The following SYNPR variants were observed in gnomAD, a reference collection of about 807,000 sequenced individuals.
SYNPR encodes synaptoporin.
Under a neutral mutation model 32.9 loss-of-function variants are expected in SYNPR, and 23 were observed. That is an observed-to-expected ratio of 0.70 (90% CI 0.50 to 0.99). SYNPR has a LOEUF of 0.99. SYNPR is among the 50% of genes least tolerant of loss of function. The probability of loss-of-function intolerance (pLI) is 0.00; values close to 1 mark genes in which losing one functional copy is unlikely to be tolerated. For missense variants in SYNPR, 318 were observed against 349.3 expected (o/e 0.91, Z 0.71); for synonymous variants, 146 against 135.9 (o/e 1.07, Z -0.52).
intron 3 of SYNPR, among the ~76,000 whole-genome samples, chr3:63,554,513 C>T (rs138009932): frequency 1.3e-4 from 20 of 152,134 alleles, no homozygotes; most frequent in South Asian, 6.2e-4. Flanking sequence ...AAAGATCAGA[C>T]GGTTATAAGT....
chr3:63,514,651 G>C (rs963565075), intron 3 of SYNPR, among the ~76,000 whole-genome samples: 1 of 152,094 alleles, frequency 6.6e-6, no homozygotes, highest in Non-Finnish European at 1.5e-5. Context: ...TGTAGAATGA[G>C]GCCATTTGGA....
At chr3:63,567,643 T>A (rs997119064) in intron 4 of SYNPR, among the ~76,000 whole-genome samples, 2 of 152,220 alleles carry the variant, frequency 1.3e-5, no homozygotes, top group Non-Finnish European at 2.9e-5. Context: ...CAGGGGGACA[T>A]CTTCATTTCC....
intron 3 of SYNPR, among the ~76,000 whole-genome samples, chr3:63,530,893 G>T (rs894297192): frequency 1.3e-5 from 2 of 152,280 alleles, no homozygotes; most frequent in Admixed American, 6.5e-5. Flanking sequence ...GAAAGAGACA[G>T]CTATTCTCTC....
chr3:63,558,988 T>G (rs527416818), intron 4 of SYNPR, among the ~76,000 whole-genome samples: 8 of 152,096 alleles, frequency 5.3e-5, no homozygotes, highest in African/African-American at 1.7e-4. Flanking sequence ...TATCTGTTCA[T>G]TATAACAGAA....
chr3:63,356,799 T>A (rs556989896), intron 2 of SYNPR, among the ~76,000 whole-genome samples: 1 of 152,244 alleles, frequency 6.6e-6, no homozygotes, highest in South Asian at 2.1e-4. Flanking sequence ...GCTTTAGAAA[T>A]GGAAAAGGAA....
At chr3:63,475,599 G>A (rs572221230) in intron 2 of SYNPR, among the ~76,000 whole-genome samples, 19 of 152,190 alleles carry the variant, frequency 1.2e-4, no homozygotes, top group South Asian at 4.2e-4. Context: ...AGAGCATAGC[G>A]CGCACACACA....
intron 2 of SYNPR, among the ~76,000 whole-genome samples, chr3:63,355,059 A>T (rs1355899420): frequency 6.6e-6 from 1 of 152,180 alleles, no homozygotes; most frequent in East Asian, 1.9e-4. Context: ...CAGGTGGATC[A>T]TTTGATGTCA....
At chr3:63,255,319 G>C (rs1201893480) in intron 2 of SYNPR, among the ~76,000 whole-genome samples, 1 of 152,080 alleles carries the variant, frequency 6.6e-6, no homozygotes, top group East Asian at 1.9e-4. Context: ...CAACACTCTG[G>C]GACATAATGA....
chr3:63,278,779 C>A, intron 2 of SYNPR, 37 bp downstream of exon 2: 1 of 1,548,938 alleles, frequency 6.5e-7, no homozygotes. Flanking sequence ...GGGCGCCAGG[C>A]AGCCAGCTAT....
At chr3:63,559,378 T>C (rs138076136) in intron 4 of SYNPR, among the ~76,000 whole-genome samples, 30 of 152,320 alleles carry the variant, frequency 2.0e-4, no homozygotes, top group Middle Eastern at 3.4e-3. Flanking sequence ...ATGCCCAGCC[T>C]AATACATTTA....
chr3:63,441,400 C>T (rs946435142), intron 2 of SYNPR, among the ~76,000 whole-genome samples: 14 of 152,144 alleles, frequency 9.2e-5, no homozygotes, highest in African/African-American at 3.4e-4. Context: ...ATGGTTCTAC[C>T]CTACAGGTGC....
chr3:63,538,911 AAT>A (rs1702254701), intron 3 of SYNPR, among the ~76,000 whole-genome samples: 1 of 152,130 alleles, frequency 6.6e-6, no homozygotes, highest in Non-Finnish European at 1.5e-5. Flanking sequence ...TACTTTTTTA[AAT>A]ATGATTTTAT....
At chr3:63,251,666 G>T (rs563565573) in intron 1 of SYNPR, among the ~76,000 whole-genome samples, 1 of 152,218 alleles carries the variant, frequency 6.6e-6, no homozygotes, top group Non-Finnish European at 1.5e-5. Flanking sequence ...TGCAGGTTCT[G>T]ACAGGACTGA....
intron 2 of SYNPR, among the ~76,000 whole-genome samples, chr3:63,288,326 G>T (rs2086705701): frequency 2.0e-5 from 3 of 152,218 alleles, no homozygotes; most frequent in Admixed American, 2.0e-4. Context: ...TAAGAGGACA[G>T]ACCCAGTGAG....
intron 3 of SYNPR, among the ~76,000 whole-genome samples, chr3:63,501,361 C>T (rs1701475206): frequency 6.6e-6 from 1 of 151,704 alleles, no homozygotes; most frequent in Non-Finnish European, 1.5e-5. Context: ...CCCCTGTAGT[C>T]CCAGCTACTT....
chr3:63,602,482 T>C lies in SYNPR; in HGVS notation c.409-6643T>C, dbSNP rs114139585. On this transcript the variant is annotated intron_variant, in intron 4 of 5. Transcript: ENST00000478300. The stretch of plus-strand genomic sequence containing the variant: ...CTTCTAGGGTTTTTATAGTTTTGGG[T>C]TTAAATTTAAGTCTTTAATCCATCT... Among the ~76,000 whole-genome samples the C allele has an allele frequency of 5.3e-3, 802 of 152,252 alleles. 4 individuals are homozygous for C. The highest frequency in any genetic ancestry group is 0.018 in the African/African-American group (748 of 41,556).
chr3:63,269,904 T>C (rs2086520397), intron 3 of SYNPR, among the ~76,000 whole-genome samples: 1 of 152,232 alleles, frequency 6.6e-6, no homozygotes, highest in Admixed American at 6.5e-5. Flanking sequence ...GTGCCTATTA[T>C]GTGCCAGATT....
chr3:63,535,516 T>C (rs1257405708), intron 3 of SYNPR, among the ~76,000 whole-genome samples: 1 of 152,140 alleles, frequency 6.6e-6, no homozygotes, highest in Non-Finnish European at 1.5e-5. Flanking sequence ...GATGGTGGAA[T>C]GTATTTCTCT....
At chr3:63,579,062 C>A (rs944087214) in intron 4 of SYNPR, among the ~76,000 whole-genome samples, 5 of 152,114 alleles carry the variant, frequency 3.3e-5, no homozygotes, top group Admixed American at 2.6e-4. Context: ...ACTGTTGTCA[C>A]CTCTCGTTTA....
Sources: gnomAD v4.1 joint callset for allele counts (sites outside exome capture counted in the v4.1 genomes callset) on GRCh38, gnomAD v4.1.1 for gene constraint, MANE v1.5 for transcripts, NCBI Gene and HGNC (gene_info 2026-07-23, HGNC 2026-07-21) for gene names.